Variants in PARP8 observed in about 807,000 individuals in gnomAD.
PARP8 encodes the protein poly(ADP-ribose) polymerase family member 8, also known as protein mono-ADP-ribosyltransferase PARP8.
In PARP8, 51 loss-of-function variants were observed where a neutral mutation model predicts 124.1. That is an observed-to-expected ratio of 0.41 (90% CI 0.33 to 0.52). The LOEUF is 0.52. Ranked by LOEUF, PARP8 falls within the 20% of genes least tolerant of loss-of-function variation. PARP8 has a pLI of 0.21. For synonymous variants in PARP8, 391 were observed against 361.5 expected (o/e 1.08, Z -0.93); for missense variants, 860 against 1,018.9 (o/e 0.84, Z 2.12).
At chr5:50,776,068 A>G (rs937945310) in intron 7 of PARP8, among the ~76,000 whole-genome samples, 7 of 152,180 alleles carry the variant, frequency 4.6e-5, no homozygotes, top group Admixed American at 4.6e-4. Flanking sequence ...TGTTCCTTCT[A>G]TAGCTAATTT....
At chr5:50,817,757 C>T (rs1745263553) in intron 15 of PARP8, among the ~76,000 whole-genome samples, 2 of 152,098 alleles carry the variant, frequency 1.3e-5, no homozygotes, top group African/African-American at 4.8e-5. Context: ...TTAGGCTCTT[C>T]CTATAGGTGC....
upstream of PARP8, chr5:50,666,036 C>T (rs1749252736): frequency 6.6e-6 from 1 of 152,170 alleles, no homozygotes; most frequent in African/African-American, 2.4e-5. Context: ...CTGACCATTT[C>T]TCATGAACAG....
At chr5:50,682,382 A>G in intron 2 of PARP8, among the ~76,000 whole-genome samples, 1 of 152,184 alleles carries the variant, frequency 6.6e-6, no homozygotes, top group East Asian at 1.9e-4. Flanking sequence ...TGAAAGTAAC[A>G]TTTTGCCAAG....
At chr5:50,836,403 T>C (rs916483774) in intron 25 of PARP8, among the ~76,000 whole-genome samples, 3 of 152,058 alleles carry the variant, frequency 2.0e-5, no homozygotes, top group African/African-American at 7.2e-5. Context: ...TCATCCACAA[T>C]TAGATTATTT....
intron 2 of PARP8, among the ~76,000 whole-genome samples, chr5:50,717,800 A>C (rs1262279838): frequency 6.6e-6 from 1 of 151,912 alleles, no homozygotes; most frequent in East Asian, 1.9e-4. Context: ...CCTTCTCTTC[A>C]TGAAGCAATT....
rs767391092 is a variant in PARP8 at position 50,702,272 on chromosome 5, T to C, written c.146+34147T>C. 5.3e-5 allele frequency among the ~76,000 whole-genome samples: 8 copies of C among 152,294 alleles called. 1 individual carries two copies. The highest frequency in any genetic ancestry group is 1.9e-4 in the African/African-American group (8 of 41,572). On this transcript the variant is annotated intron_variant, in intron 2 of 25. Coordinates refer to ENST00000281631, the MANE Select transcript of PARP8 (RefSeq NM_024615.4). ...AAGTATTACATCACAGTTGATCACA[T>C]AATTGCAGTAATTTACTTATCATGT...
At chr5:50,800,137 A>C (rs1020526451) in intron 14 of PARP8, among the ~76,000 whole-genome samples, 2 of 152,172 alleles carry the variant, frequency 1.3e-5, no homozygotes, top group African/African-American at 4.8e-5. Context: ...AGTTTTCAGC[A>C]TTCAAGTCTT....
At chr5:50,723,078 C>T (rs1417158720) in intron 2 of PARP8, among the ~76,000 whole-genome samples, 1 of 152,028 alleles carries the variant, frequency 6.6e-6, no homozygotes, top group Admixed American at 6.6e-5. Flanking sequence ...TATATTCTCG[C>T]CTCTTACATA....
chr5:50,768,754 A>G (rs935223541), intron 7 of PARP8, among the ~76,000 whole-genome samples: 1 of 152,176 alleles, frequency 6.6e-6, no homozygotes, highest in African/African-American at 2.4e-5. Context: ...ACTGAAAGTT[A>G]TTCAGATATA....
intron 12 of PARP8, 64 bp downstream of exon 12, chr5:50,795,481 T>G: frequency 7.6e-7 from 1 of 1,316,492 alleles, no homozygotes; most frequent in Non-Finnish European, 1.0e-6. Context: ...ATTTTTTTTT[T>G]CTTATAAGAT....
chr5:50,711,336 A>T (rs1252902329), intron 2 of PARP8, among the ~76,000 whole-genome samples: 1 of 152,138 alleles, frequency 6.6e-6, no homozygotes, highest in Non-Finnish European at 1.5e-5. Context: ...CAGCTCAGGA[A>T]TAAAAGCCTA....
At chr5:50,700,869 C>T (rs1334653444) in intron 2 of PARP8, among the ~76,000 whole-genome samples, 2 of 152,038 alleles carry the variant, frequency 1.3e-5, no homozygotes, top group African/African-American at 4.8e-5. Flanking sequence ...AATCATTATG[C>T]TCGGTAATCC....
chr5:50,712,599 G>C lies in PARP8; in HGVS notation c.147-37552G>C, dbSNP rs148346176. 3.8e-3 allele frequency among the ~76,000 whole-genome samples: 576 copies of C among 152,248 alleles called. 2 individuals carry two copies. Among genetic ancestry groups the C allele is most frequent in the Middle Eastern group, 0.014 (4 of 294 alleles). On this transcript the variant is annotated intron_variant, in intron 2 of 25. Coordinates refer to ENST00000281631, the MANE Select transcript of PARP8 (RefSeq NM_024615.4). ...CATTTACTCATTCAGTAAGCACTGA[G>C]GACCAGGCTCTGCAGGCCACCCTGA... is the stretch of plus-strand genomic sequence containing the variant.
intron 2 of PARP8, among the ~76,000 whole-genome samples, chr5:50,692,270 C>T (rs1055798748): frequency 5.3e-5 from 8 of 152,054 alleles, no homozygotes; most frequent in African/African-American, 1.9e-4. Context: ...AGCCTTAACT[C>T]ACTAATCTCT....
intron 3 of PARP8, among the ~76,000 whole-genome samples, chr5:50,751,575 C>T (rs1759268766): frequency 6.6e-6 from 1 of 152,106 alleles, no homozygotes; most frequent in Admixed American, 6.6e-5. Context: ...TCAAAATACA[C>T]TGTCCAGTGC....
In PARP8 at chr5:50,679,086, C is replaced by T. The variant is rs867257320; in HGVS notation, c.146+10961C>T. On this transcript the variant is annotated intron_variant, in intron 2 of 25. Transcript: ENST00000281631. The stretch of plus-strand genomic sequence containing the variant: ...TGGTTTTCTGCCTGTGGAGAAGCCA[C>T]CTTTTTATTCCTTTACTTTCTTAAT... Among the ~76,000 whole-genome samples, 14 of 152,022 alleles carry T rather than the reference C, an allele frequency of 9.2e-5. No homozygotes were observed. The South Asian group carries it at 1.2e-3, about 14-fold the overall frequency.
intron 2 of PARP8, among the ~76,000 whole-genome samples, chr5:50,674,300 G>C (rs367880810): frequency 1.3e-5 from 2 of 152,154 alleles, no homozygotes; most frequent in African/African-American, 2.4e-5. Flanking sequence ...TTTTGAGCCC[G>C]GTATGGGGAT....
chr5:50,735,956 T>TC (rs374675045), intron 2 of PARP8, among the ~76,000 whole-genome samples: 20,724 of 134,244 alleles, frequency 0.15, 2,198 homozygotes, highest in African/African-American at 0.27. Context: ...TCTAGGGGAT[T>TC]CCCCCCCCCC....
At chr5:50,700,248 T>C (rs191016724) in intron 2 of PARP8, among the ~76,000 whole-genome samples, 6 of 152,310 alleles carry the variant, frequency 3.9e-5, no homozygotes, top group Admixed American at 3.3e-4. Context: ...GTTGCTACTA[T>C]GCTGAAAAGT....
Sources: gnomAD v4.1 joint callset for allele counts (sites outside exome capture counted in the v4.1 genomes callset) on GRCh38, gnomAD v4.1.1 for gene constraint, MANE v1.5 for transcripts, NCBI Gene and HGNC (gene_info 2026-07-23, HGNC 2026-07-21) for gene names.